The following SGCZ variants were observed in gnomAD, a reference collection of about 807,000 sequenced individuals.
SGCZ encodes the protein sarcoglycan zeta, also known as zeta-sarcoglycan.
Under a neutral mutation model 41.3 loss-of-function variants are expected in SGCZ, and 40 were observed. That is an observed-to-expected ratio of 0.97 (90% CI 0.75 to 1.26). The LOEUF (loss-of-function observed/expected upper bound fraction) is 1.26. SGCZ is among the 50% of genes most tolerant of loss of function. The probability of loss-of-function intolerance (pLI) is 0.00; values close to 1 mark genes in which losing one functional copy is unlikely to be tolerated. For missense variants in SGCZ, 552 were observed against 369.8 expected (o/e 1.49, Z -4.04); for synonymous variants, 206 against 137.5 (o/e 1.50, Z -3.49).
intron 7 of SGCZ, among the ~76,000 whole-genome samples, chr8:14,098,085 C>T (rs1448718980): frequency 6.6e-6 from 1 of 152,120 alleles, no homozygotes; most frequent in Middle Eastern, 3.4e-3. Flanking sequence ...CATGTTTAAC[C>T]CTGTAGATAC....
chr8:14,869,797 GACAA>G (rs1233789280), intron 1 of SGCZ, among the ~76,000 whole-genome samples: 1 of 152,092 alleles, frequency 6.6e-6, no homozygotes, highest in Non-Finnish European at 1.5e-5. Context: ...ACCAACAATA[GACAA>G]ACAGAGAGCT....
intron 3 of SGCZ, among the ~76,000 whole-genome samples, chr8:14,312,663 AG>A: frequency 1.3e-5 from 2 of 152,006 alleles, no homozygotes; most frequent in South Asian, 4.2e-4. Flanking sequence ...GAGGAAGAGG[AG>A]GAGGAAGAGG....
At chr8:14,510,122 A>G (rs903538069) in intron 2 of SGCZ, among the ~76,000 whole-genome samples, 6 of 152,214 alleles carry the variant, frequency 3.9e-5, no homozygotes, top group Non-Finnish European at 7.3e-5. Context: ...TTTCAAGAAA[A>G]GAAATTTCCT....
At chr8:14,889,952 G>C (rs141377250) in intron 1 of SGCZ, among the ~76,000 whole-genome samples, 1 of 152,012 alleles carries the variant, frequency 6.6e-6, no homozygotes, top group Admixed American at 6.6e-5. Flanking sequence ...TTGAAAGCAG[G>C]CCTAAATGAG....
At chr8:14,240,491 T>C (rs1370649929) in intron 3 of SGCZ, among the ~76,000 whole-genome samples, 2 of 152,030 alleles carry the variant, frequency 1.3e-5, no homozygotes, top group African/African-American at 4.8e-5. Context: ...ATTCTCCTAA[T>C]TTTTTGTCAG....
At chr8:14,198,034 T>C (rs1483745789) in intron 4 of SGCZ, among the ~76,000 whole-genome samples, 7 of 152,206 alleles carry the variant, frequency 4.6e-5, no homozygotes, top group Non-Finnish European at 2.9e-5. Flanking sequence ...AAACTTAATA[T>C]TTTTATAGCA....
At chr8:15,069,414 A>C (rs1368833129) in intron 1 of SGCZ, among the ~76,000 whole-genome samples, 1 of 152,222 alleles carries the variant, frequency 6.6e-6, no homozygotes, top group African/African-American at 2.4e-5. Flanking sequence ...TATTGCAAAA[A>C]AATGCATGTA....
At chr8:15,022,188 A>G (rs565525931) in intron 1 of SGCZ, among the ~76,000 whole-genome samples, 1 of 152,306 alleles carries the variant, frequency 6.6e-6, no homozygotes, top group Middle Eastern at 3.4e-3. Context: ...GAATTTGTTT[A>G]TTTATACTTT....
chr8:14,203,992 A>G (rs1027355680), intron 4 of SGCZ, among the ~76,000 whole-genome samples: 4 of 151,994 alleles, frequency 2.6e-5, no homozygotes, highest in Non-Finnish European at 4.4e-5. Context: ...AGAGCGCTCC[A>G]AGAAGAAAGA....
At chr8:14,882,358 T>C (rs1804623979) in intron 1 of SGCZ, among the ~76,000 whole-genome samples, 1 of 152,214 alleles carries the variant, frequency 6.6e-6, no homozygotes, top group Admixed American at 6.5e-5. Context: ...ATGTTGTATA[T>C]TTTGGGCTGT....
intron 1 of SGCZ, among the ~76,000 whole-genome samples, chr8:15,080,235 TA>T (rs1217021775): frequency 6.6e-6 from 1 of 152,136 alleles, no homozygotes; most frequent in Non-Finnish European, 1.5e-5. Flanking sequence ...ATTTTTTTTT[TA>T]GTGTCTCCCT....
At chr8:14,949,780 G>A (rs1209101053) in intron 1 of SGCZ, among the ~76,000 whole-genome samples, 1 of 152,004 alleles carries the variant, frequency 6.6e-6, no homozygotes, top group African/African-American at 2.4e-5. Context: ...CTCTATAATT[G>A]TGATCAATAA....
Position 14,642,282 on chromosome 8 carries a change from T to C in SGCZ, c.40-87356A>G, listed in dbSNP as rs115425216. ...AATAATTGTAACAATATCATTATTATTTCTATTAGTTCTGTTTCTATAGCT... is the reference window on the plus strand; with the variant it reads ...AATAATTGTAACAATATCATTATTACTTCTATTAGTTCTGTTTCTATAGCT... On this transcript the variant is annotated intron_variant, in intron 1 of 7. Transcript: ENST00000382080. 5.9e-3 allele frequency among the ~76,000 whole-genome samples: 898 copies of C among 151,720 alleles called. 8 individuals are homozygous for C. The highest frequency in any genetic ancestry group is 0.021 in the African/African-American group (855 of 41,442).
At chr8:14,496,687 T>C (rs1003776360) in intron 2 of SGCZ, among the ~76,000 whole-genome samples, 3 of 152,168 alleles carry the variant, frequency 2.0e-5, no homozygotes, top group African/African-American at 7.2e-5. Flanking sequence ...GAAGTTTCTC[T>C]CTGGTTTTAC....
chr8:14,211,581 G>A (rs1010595713), intron 4 of SGCZ, among the ~76,000 whole-genome samples: 5 of 152,078 alleles, frequency 3.3e-5, no homozygotes, highest in Non-Finnish European at 7.4e-5. Context: ...ATTTTAGAGA[G>A]GCCTCAGGAA....
intron 5 of SGCZ, chr8:14,162,593 G>A (rs1013760529): frequency 6.6e-6 from 1 of 152,232 alleles, no homozygotes; most frequent in Non-Finnish European, 1.5e-5. Context: ...GACTCAAGAA[G>A]GTCAATCTGT....
chr8:14,362,583 C>T (rs552895695), intron 2 of SGCZ, among the ~76,000 whole-genome samples: 1 of 152,284 alleles, frequency 6.6e-6, no homozygotes, highest in Non-Finnish European at 1.5e-5. Context: ...TGTACTGCTC[C>T]TCCAGGTACA....
chr8:15,198,291 T>C (rs963622943), intron 1 of SGCZ, among the ~76,000 whole-genome samples: 2 of 151,920 alleles, frequency 1.3e-5, no homozygotes, highest in African/African-American at 2.4e-5. Flanking sequence ...GGATCAGTTA[T>C]GCATTGTACA....
intron 2 of SGCZ, among the ~76,000 whole-genome samples, chr8:14,470,613 C>G (rs1280737413): frequency 6.6e-6 from 1 of 152,084 alleles, no homozygotes; most frequent in Non-Finnish European, 1.5e-5. Flanking sequence ...CATTTATTTT[C>G]TGTCCAAGTT....
Sources: allele counts gnomAD v4.1 joint callset (sites outside exome capture counted in the v4.1 genomes callset), GRCh38; gene constraint gnomAD v4.1.1; transcripts MANE v1.5; gene names NCBI Gene and HGNC (gene_info 2026-07-23, HGNC 2026-07-21).